DOCK3: variants seen among roughly 807,000 people sequenced by gnomAD.
DOCK3 encodes dedicator of cytokinesis 3, also known as dedicator of cytokinesis protein 3.
In DOCK3, 60 loss-of-function variants were observed where a neutral mutation model predicts 265.6. That is an observed-to-expected ratio of 0.23 (90% CI 0.18 to 0.28). The LOEUF (loss-of-function observed/expected upper bound fraction) is 0.28. Ranked by LOEUF, DOCK3 falls within the 10% of genes least tolerant of loss-of-function variation. The pLI is 1.00. For missense variants in DOCK3, 1,981 were observed against 2,594.3 expected, an observed-to-expected ratio of 0.76 and a Z score of 5.14; for synonymous variants, 881 against 938.0, an observed-to-expected ratio of 0.94 and a Z score of 1.11.
chr3:51,153,583 G>A (rs1443947772), intron 10 of DOCK3, among the ~76,000 whole-genome samples: 2 of 152,202 alleles, frequency 1.3e-5, no homozygotes, highest in East Asian at 3.9e-4. Flanking sequence ...ACCATCTTCT[G>A]CGTCGATCAT....
intron 5 of DOCK3, among the ~76,000 whole-genome samples, chr3:51,016,816 TC>T (rs2079331616): frequency 1.6e-4 from 1 of 6,280 alleles, no homozygotes; most frequent in Non-Finnish European, 2.4e-4. Flanking sequence ...TTTATATATA[TC>T]ATATATAAAT....
At chr3:51,109,198 A>T (rs1356190566) in intron 9 of DOCK3, among the ~76,000 whole-genome samples, 1 of 152,238 alleles carries the variant, frequency 6.6e-6, no homozygotes, top group African/African-American at 2.4e-5. Flanking sequence ...AGAGCAATAA[A>T]AATAGAATTC....
At chr3:50,771,261 C>T (rs1021064759) in intron 1 of DOCK3, among the ~76,000 whole-genome samples, 2 of 151,950 alleles carry the variant, frequency 1.3e-5, no homozygotes, top group African/African-American at 4.8e-5. Context: ...GAAAAAAATC[C>T]AATAATCTGA....
At chr3:50,986,764 A>G (rs1380455762) in intron 5 of DOCK3, among the ~76,000 whole-genome samples, 1 of 152,232 alleles carries the variant, frequency 6.6e-6, no homozygotes, top group African/African-American at 2.4e-5. Context: ...TATAAAAACA[A>G]TATACTTTTA....
intron 1 of DOCK3, among the ~76,000 whole-genome samples, chr3:50,764,298 A>C (rs1040278915): frequency 1.3e-5 from 2 of 152,220 alleles, no homozygotes; most frequent in Non-Finnish European, 2.9e-5. Flanking sequence ...TGGGTTCTGC[A>C]TCTGTGGATT....
intron 3 of DOCK3, among the ~76,000 whole-genome samples, chr3:50,883,116 G>A (rs757287105): frequency 4.6e-5 from 7 of 152,078 alleles, no homozygotes; most frequent in South Asian, 2.1e-4. Flanking sequence ...AGGGCCTGTC[G>A]TGGGGTGGGG....
intron 27 of DOCK3, among the ~76,000 whole-genome samples, chr3:51,293,841 A>G (rs988602075): frequency 2.0e-5 from 3 of 152,210 alleles, no homozygotes; most frequent in African/African-American, 7.2e-5. Flanking sequence ...CATCAGATAT[A>G]TGAAAAAATG....
At chr3:50,779,070 G>A (rs2041772331) in intron 2 of DOCK3, among the ~76,000 whole-genome samples, 1 of 152,104 alleles carries the variant, frequency 6.6e-6, no homozygotes, top group Admixed American at 6.5e-5. Context: ...GGTACATGTA[G>A]TATCATCTCA....
intron 1 of DOCK3, among the ~76,000 whole-genome samples, chr3:50,687,524 G>A (rs1169161281): frequency 6.6e-6 from 1 of 152,226 alleles, no homozygotes; most frequent in African/African-American, 2.4e-5. Flanking sequence ...TCTCACTTCT[G>A]TGTGTAAGAG....
intron 1 of DOCK3, among the ~76,000 whole-genome samples, chr3:50,752,356 A>G (rs1442616221): frequency 6.6e-6 from 1 of 152,076 alleles, no homozygotes; most frequent in African/African-American, 2.4e-5. Flanking sequence ...TAAAAATTAA[A>G]AAATAAGCTG....
intron 1 of DOCK3, among the ~76,000 whole-genome samples, chr3:50,704,335 C>G (rs1418927652): frequency 6.6e-6 from 1 of 151,928 alleles, no homozygotes; most frequent in Non-Finnish European, 1.5e-5. Flanking sequence ...TGTTTATTTT[C>G]TCTCTAGGTG....
intron 5 of DOCK3, among the ~76,000 whole-genome samples, chr3:51,041,159 A>AATGTATGT (rs1559977060): frequency 1.4e-5 from 1 of 73,886 alleles, no homozygotes; most frequent in South Asian, 6.5e-4. Context: ...AGCCTTACAA[A>AATGTATGT]ATGTATATAT....
At chr3:51,279,155 G>T (rs2080980697) in intron 26 of DOCK3, among the ~76,000 whole-genome samples, 1 of 152,152 alleles carries the variant, frequency 6.6e-6, no homozygotes, top group African/African-American at 2.4e-5. Context: ...GGGAGGCTGA[G>T]GCAGGAGAAT....
chr3:50,777,261 T>C (rs1408393875), intron 1 of DOCK3, among the ~76,000 whole-genome samples: 2 of 152,174 alleles, frequency 1.3e-5, no homozygotes, highest in African/African-American at 4.8e-5. Context: ...GCTTTATTTC[T>C]GGGTTCTGTA....
chr3:51,067,114 A>T (rs970420339), intron 6 of DOCK3, among the ~76,000 whole-genome samples: 2 of 152,218 alleles, frequency 1.3e-5, no homozygotes, highest in Non-Finnish European at 2.9e-5. Flanking sequence ...ATATAACATT[A>T]CTGTGTGCCA....
intron 1 of DOCK3, among the ~76,000 whole-genome samples, chr3:50,777,974 T>C (rs1430895193): frequency 6.6e-6 from 1 of 152,202 alleles, no homozygotes; most frequent in Non-Finnish European, 1.5e-5. Context: ...AAAATGGGCA[T>C]CCTTATCTTG....
intron 5 of DOCK3, among the ~76,000 whole-genome samples, chr3:51,023,097 C>CT (rs1418001291): frequency 3.3e-5 from 5 of 152,182 alleles, no homozygotes; most frequent in African/African-American, 1.2e-4. Flanking sequence ...ATCCAGATCT[C>CT]TAACAACGCC....
rs753075056 is a variant in DOCK3 at position 51,260,192 on chromosome 3, C to T, written c.2221C>T (p.Arg741Trp). 2 of 1,613,726 alleles carry T rather than the reference C, an allele frequency of 1.2e-6. No individual in the cohort carries two copies. The highest frequency in any genetic ancestry group is 1.1e-5 in the South Asian group (1 of 91,042). ...EYLFKFIVQS[R>W]ILYSRATCGM... The stretch of plus-strand genomic sequence containing the variant: ...CCTTTTCAAGTTCATTGTACAGTCA[C>T]GGATCCTGTACTCACGAGCCACTTG... The change falls in exon 23 of 53, where the codon CGG becomes TGG. Residue 741 changes from arginine to tryptophan, a missense_variant. By Grantham distance (101) the Arg-to-Trp change is moderately radical. Around this residue, in one of 4 missense-constraint regions of DOCK3, gnomAD observed 1,357 missense variants for 1,866.8 expected, o/e 0.73. Transcript: ENST00000266037.
Position 51,306,754 on chromosome 3 carries a change from TTAAG to T in DOCK3, c.2923-3474_2923-3471del, listed in dbSNP as rs376324200. On this transcript the variant is annotated intron_variant, in intron 27 of 52. Coordinates refer to ENST00000266037, the MANE Select transcript of DOCK3 (RefSeq NM_004947.5). ...TCCTAGAATTTATATTCGGTGTACTTTAAGTAATTTCTACCCTTTTTGTTGGCAT... is the reference window on the plus strand; with the variant it reads ...TCCTAGAATTTATATTCGGTGTACTTTAATTTCTACCCTTTTTGTTGGCAT... 2.7e-3 allele frequency among the ~76,000 whole-genome samples: 405 copies of T among 152,350 alleles called. 16 individuals are homozygous for T. In the South Asian group the frequency reaches 0.079, roughly 30 times the overall value.
Sources: allele counts gnomAD v4.1 joint callset (sites outside exome capture counted in the v4.1 genomes callset), GRCh38; gene constraint gnomAD v4.1.1; regional missense constraint gnomAD v4.1.1; transcripts MANE v1.5; gene names NCBI Gene and HGNC (gene_info 2026-07-23, HGNC 2026-07-21).